The following OR2J3 variants were observed in gnomAD, a reference collection of about 807,000 sequenced individuals.
OR2J3 encodes olfactory receptor 2J3.
A neutral mutation model predicts 18.5 loss-of-function variants in OR2J3; 13 were observed. That is an observed-to-expected ratio of 0.70 (90% CI 0.46 to 1.12). The LOEUF is 1.12. OR2J3 is among the 50% of genes most tolerant of loss of function. The probability of loss-of-function intolerance (pLI) is 0.00; values close to 1 mark genes in which losing one functional copy is unlikely to be tolerated. For synonymous variants in OR2J3, 142 were observed against 140.6 expected (o/e 1.01, Z -0.07); for missense variants, 321 against 371.6 (o/e 0.86, Z 1.12).
chr6:29,110,303 T>C (rs577898179), intron 3 of OR2J3, among the ~76,000 whole-genome samples: 44 of 152,200 alleles, frequency 2.9e-4, no homozygotes, highest in Non-Finnish European at 4.9e-4. Context: ...TAGAAATACA[T>C]TTTGAGTCCA....
rs901102593 is a variant in OR2J3 at position 29,109,350 on chromosome 6, C to G, written c.-11+475C>G. ...CTAATGATTATTTACATTACCAAGT[C>G]TGTTAAAAGGTCTGAGGTCAATCTT... On this transcript the variant is annotated intron_variant, in intron 3 of 3. Transcript: ENST00000641151. 1.6e-4 allele frequency: 25 copies of G among 152,180 alleles called. 1 individual carries two copies. Among genetic ancestry groups the G allele is most frequent in the African/African-American group, 5.8e-4 (24 of 41,446 alleles). The allele number at this position is 152,180 out of a possible 1,614,324, so 9.4% of individuals were successfully genotyped here.
chr6:29,108,516 C>CT (rs1304227007), intron 1 of OR2J3, 21 bp from the exon 2 acceptor site: 1 of 151,816 alleles, frequency 6.6e-6, no homozygotes, highest in African/African-American at 2.4e-5. Context: ...TTGATAATTT[C>CT]TTTCTTTTTA....
rs1762268916 is a variant in OR2J3 at position 29,114,740 on chromosome 6, T to C, written c.*1914T>C. The C allele has an allele frequency of 6.6e-6, 1 of 152,098 alleles. No homozygotes were observed. The highest frequency in any genetic ancestry group is 2.4e-5 in the African/African-American group (1 of 41,434). 9.4% of individuals were successfully genotyped at this position (152,098 alleles called of 1,614,324 possible). A position where few individuals can be genotyped will look rare whatever the true frequency, so the allele number is the denominator to read the frequency against. On this transcript the variant is annotated 3_prime_UTR_variant, in exon 4 of 4. Transcript: ENST00000641151. ...CCCTTTGACCAATATCTCCCCATTT[T>C]CCCTATTTCTCTCCACTGCTAACCC...
chr6:29,113,243 A>G lies in OR2J3; in HGVS notation c.*417A>G, dbSNP rs1186779858. Reference sequence around the variant, plus strand: ...TAATTTCTTGCTTTTTGGGCAGAATACTTTTGTCTTCTATCTTTAGTTTAG... The same window carrying G: ...TAATTTCTTGCTTTTTGGGCAGAATGCTTTTGTCTTCTATCTTTAGTTTAG... On this transcript the variant is annotated 3_prime_UTR_variant, in exon 4 of 4. Transcript: ENST00000641151. 5.9e-6 allele frequency: 1 copy of G among 168,890 alleles called. No individual in the cohort carries two copies. Among genetic ancestry groups the G allele is most frequent in the Non-Finnish European group, 1.3e-5 (1 of 78,986 alleles). 10.5% of individuals were successfully genotyped at this position (168,890 alleles called of 1,614,324 possible). A position where few individuals can be genotyped will look rare whatever the true frequency, so the allele number is the denominator to read the frequency against.
chr6:29,108,726 T>C (rs1334102468), intron 2 of OR2J3, 72 bp downstream of exon 2: 1 of 152,176 alleles, frequency 6.6e-6, no homozygotes, highest in Non-Finnish European at 1.5e-5. Flanking sequence ...ACCTCAAGCA[T>C]TTATCCTTTC....
At chr6:29,110,015 GATAGAC>G (rs1762067517) in intron 3 of OR2J3, among the ~76,000 whole-genome samples, 6 of 152,108 alleles carry the variant, frequency 3.9e-5, no homozygotes, top group Admixed American at 1.3e-4. Context: ...TGAACGCTGT[GATAGAC>G]ACACCTGCAA....
rs960261028 is a variant in OR2J3 at position 29,113,371 on chromosome 6, C to G, written c.*545C>G. 1.3e-5 allele frequency: 2 copies of G among 154,038 alleles called. No individual in the cohort carries two copies. The highest frequency in any genetic ancestry group is 4.8e-5 in the African/African-American group (2 of 41,416). The allele number at this position is 154,038 out of a possible 1,614,324, so 9.5% of individuals were successfully genotyped here. A position where few individuals can be genotyped will look rare whatever the true frequency, so the allele number is the denominator to read the frequency against. ...AATTTTGGTCCATATTCTTTCATAT[C>G]CAGTATCAATAGTAGAACAATAAGT... On this transcript the variant is annotated 3_prime_UTR_variant, in exon 4 of 4. Coordinates refer to ENST00000641151, the MANE Select transcript of OR2J3 (RefSeq NM_001005216.4).
intron 3 of OR2J3, among the ~76,000 whole-genome samples, chr6:29,109,151 C>T (rs1762033840): frequency 6.6e-6 from 1 of 152,120 alleles, no homozygotes; most frequent in South Asian, 2.1e-4. Context: ...TTTCATCTTC[C>T]CTCAAGGGCT....
chr6:29,112,619 A>G lies in OR2J3; in HGVS notation c.729A>G (p.Thr243=), dbSNP rs1762188427. The G allele has an allele frequency of 1.2e-6, 2 of 1,614,042 alleles. No homozygotes were observed. Among genetic ancestry groups the G allele is most frequent in the African/African-American group, 2.7e-5 (2 of 74,930 alleles). Residue 243 remains threonine, a synonymous_variant, in exon 4 of 4, where the codon ACA becomes ACG. Transcript: ENST00000641151. ...STTGLQKVFG[T]CGAHLMAVSL... ...CTGGGCTTCAGAAAGTGTTTGGAAC[A>G]TGTGGAGCTCATCTTATGGCTGTAT...
At chr6:29,111,792 T>A in intron 3 of OR2J3, 89 bp from the exon 4 acceptor site, 9 of 1,239,980 alleles carry the variant, frequency 7.3e-6, no homozygotes, top group Non-Finnish European at 1.0e-5. Context: ...CCCTTCAAAC[T>A]GGCTTTTATT....
In OR2J3 at chr6:29,112,468, T is replaced by C; in HGVS notation, c.578T>C (p.Val193Ala). Reference sequence around the variant, plus strand: ...CCAGCACTTCTGCGATTATCGTGTGTTGATACCCATGTCAATGAGCTGACC... The same window carrying C: ...CCAGCACTTCTGCGATTATCGTGTGCTGATACCCATGTCAATGAGCTGACC... The part of the protein sequence containing the change: ...EVPALLRLSC[V>A]DTHVNELTLM... Residue 193 changes from valine to alanine, a missense_variant, in exon 4 of 4, where the codon GTT (valine) becomes GCT (alanine). Val to Ala is a moderately conservative substitution (Grantham distance 64, BLOSUM62 0). Transcript: ENST00000641151. 6.2e-7 allele frequency: 1 copy of C among 1,614,142 alleles called. No individual in the cohort carries two copies. The highest frequency in any genetic ancestry group is 8.5e-7 in the Non-Finnish European group (1 of 1,180,016).
At position 29,112,083 on chromosome 6, in the gene OR2J3, T is replaced by C. The variant is rs778446056; in HGVS notation, c.193T>C (p.Phe65Leu). 6.8e-6 allele frequency: 11 copies of C among 1,614,024 alleles called. No homozygotes were observed. The Admixed American group carries it at 1.8e-4, about 27-fold the overall frequency. ...DSHLHTPMYFFLSNLSFLDLC... is the reference protein window; with the variant it reads ...DSHLHTPMYFLLSNLSFLDLC... Reference sequence around the variant, plus strand: ...CCATCTGCACACACCAATGTACTTCTTCCTTTCAAACCTCTCATTTCTGGA... The same window carrying C: ...CCATCTGCACACACCAATGTACTTCCTCCTTTCAAACCTCTCATTTCTGGA... Residue 65 changes from phenylalanine to leucine, a missense_variant, in exon 4 of 4, where the codon TTC becomes CTC. Physicochemically the swap from Phe to Leu is conservative, Grantham distance 22. Transcript: ENST00000641151.
At chr6:29,111,631 A>C (rs1254158897) in intron 3 of OR2J3, 1 of 411,718 alleles carries the variant, frequency 2.4e-6, no homozygotes, top group Non-Finnish European at 4.3e-6. Context: ...TATATTTGTT[A>C]ATTAGGGATC....
Position 29,108,182 on chromosome 6 carries a change from A to G in OR2J3, c.-294A>G, listed in dbSNP as rs933703505. 2.0e-5 allele frequency: 3 copies of G among 152,206 alleles called. No homozygotes were observed. The highest frequency in any genetic ancestry group is 4.4e-5 in the Non-Finnish European group (3 of 68,048). 9.4% of individuals were successfully genotyped at this position (152,206 alleles called of 1,614,324 possible). A position where few individuals can be genotyped will look rare whatever the true frequency, so the allele number is the denominator to read the frequency against. ...TTCAAGGTGATCAAAATCAGAGATC[A>G]GATCAGTCTGTGCATGATGAGGGCA... is the stretch of plus-strand genomic sequence containing the variant. On this transcript the variant is annotated 5_prime_UTR_variant, in exon 1 of 4. Transcript: ENST00000641151.
rs925784044 is a variant in OR2J3, at chr6:29,108,101, C to G, written c.-375C>G. 6.6e-6 allele frequency: 1 copy of G among 152,136 alleles called. No individual in the cohort carries two copies. 9.4% of individuals were successfully genotyped at this position (152,136 alleles called of 1,614,324 possible). On this transcript the variant is annotated 5_prime_UTR_variant, in exon 1 of 4. Transcript: ENST00000641151. ...AATGATAGTCATAGCTACATTCAGA[C>G]TGTTTTCCTAATTGATGTAGTAGAT...
Position 29,111,279 on chromosome 6 carries a change from A to C in OR2J3, c.-10-602A>C, listed in dbSNP as rs560004288. Among the ~76,000 whole-genome samples, 8 of 152,244 alleles carry C rather than the reference A, an allele frequency of 5.3e-5. No homozygotes were observed. In the South Asian group the frequency reaches 1.7e-3, roughly 32 times the overall value. On this transcript the variant is annotated intron_variant, in intron 3 of 3. Transcript: ENST00000641151. ...ATTTCTCTCAATTTGAGTTTTTCTCATGTGTCTTCATTATTAGAATTAGTC... is the reference window on the plus strand; with the variant it reads ...ATTTCTCTCAATTTGAGTTTTTCTCCTGTGTCTTCATTATTAGAATTAGTC...
rs758967238 is a variant in OR2J3 at position 29,112,563 on chromosome 6, G to A, written c.673G>A (p.Val225Ile). 4.3e-6 allele frequency: 7 copies of A among 1,613,980 alleles called. No homozygotes were observed. Among genetic ancestry groups the A allele is most frequent in the Admixed American group, 1.7e-5 (1 of 59,980 alleles). ...ILILTSYGAIVRAILRMQSTT... is the reference protein window; with the variant it reads ...ILILTSYGAIIRAILRMQSTT... Reference sequence around the variant, plus strand: ...CATTCTCACTTCTTATGGTGCCATCGTCCGAGCTATACTGAGGATGCAGTC... The same window carrying A: ...CATTCTCACTTCTTATGGTGCCATCATCCGAGCTATACTGAGGATGCAGTC... Residue 225 changes from valine (V) to isoleucine (I), a missense_variant, in exon 4 of 4, where the codon GTC (valine) becomes ATC (isoleucine). Coordinates refer to ENST00000641151, the MANE Select transcript of OR2J3 (RefSeq NM_001005216.4).
chr6:29,112,468 T>A lies in OR2J3; in HGVS notation c.578T>A (p.Val193Asp), dbSNP rs771112407. The A allele has an allele frequency of 1.9e-6, 3 of 1,614,142 alleles. No individual in the cohort carries two copies. The highest frequency in any genetic ancestry group is 3.3e-5 in the Admixed American group (2 of 60,008). The change falls in exon 4 of 4, where the codon GTT becomes GAT. Residue 193 changes from valine (V) to aspartate (D), a missense_variant. Val to Asp is a radical substitution (Grantham distance 152). Transcript: ENST00000641151. Reference protein sequence around the residue: ...EVPALLRLSCVDTHVNELTLM... With the variant: ...EVPALLRLSCDDTHVNELTLM... ...CCAGCACTTCTGCGATTATCGTGTGTTGATACCCATGTCAATGAGCTGACC... is the reference window on the plus strand; with the variant it reads ...CCAGCACTTCTGCGATTATCGTGTGATGATACCCATGTCAATGAGCTGACC...
Position 29,112,872 on chromosome 6 carries a change from C to A in OR2J3, c.*46C>A. ...AACAATATAACAGAGTCTCCCCTCA[C>A]AATGATTCATCCTTCTATTTATTTA... On this transcript the variant is annotated 3_prime_UTR_variant, in exon 4 of 4. Transcript: ENST00000641151. 6.5e-7 allele frequency: 1 copy of A among 1,540,346 alleles called. No homozygotes were observed. The highest frequency in any genetic ancestry group is 8.7e-7 in the Non-Finnish European group (1 of 1,147,500).
Sources: gnomAD v4.1 joint callset for allele counts (sites outside exome capture counted in the v4.1 genomes callset) on GRCh38, gnomAD v4.1.1 for gene constraint, MANE v1.5 for transcripts, NCBI Gene and HGNC (gene_info 2026-07-23, HGNC 2026-07-21) for gene names.